Variants in BRAF observed in about 807,000 individuals in gnomAD.
BRAF encodes the protein B-Raf proto-oncogene, serine/threonine kinase.
In BRAF, 16 loss-of-function variants were observed where a neutral mutation model predicts 104.6. That is an observed-to-expected ratio of 0.15 (90% CI 0.10 to 0.23). The LOEUF (loss-of-function observed/expected upper bound fraction) is 0.23, where lower values mean the gene tolerates loss of function less well. Among genes scored for constraint, BRAF ranks in the 10% least tolerant of loss-of-function variants. The pLI is 1.00. For missense variants in BRAF, 541 were observed against 937.3 expected, an observed-to-expected ratio of 0.58 and a Z score of 5.52; for synonymous variants, 310 against 341.6, an observed-to-expected ratio of 0.91 and a Z score of 1.02.
chr7:140,921,633 C>T (rs1818234467), intron 1 of BRAF, among the ~76,000 whole-genome samples: 1 of 151,846 alleles, frequency 6.6e-6, no homozygotes, highest in Admixed American at 6.6e-5. Flanking sequence ...TAAAAAAGAA[C>T]AGATGGAATA....
At chr7:140,865,897 A>AT (rs1402960546) in intron 1 of BRAF, among the ~76,000 whole-genome samples, 1 of 152,120 alleles carries the variant, frequency 6.6e-6, no homozygotes, top group African/African-American at 2.4e-5. Flanking sequence ...AGGATCAAAC[A>AT]TTTTTTTCTG....
At chr7:140,881,385 T>G (rs1260696728) in intron 1 of BRAF, among the ~76,000 whole-genome samples, 1 of 152,206 alleles carries the variant, frequency 6.6e-6, no homozygotes, top group Non-Finnish European at 1.5e-5. Flanking sequence ...CACTAAAACT[T>G]TCTCCATCTC....
At position 140,739,189 on chromosome 7, in the gene BRAF, T is replaced by C. The variant is rs1195185387; in HGVS notation, c.2247+623A>G. 2.6e-5 allele frequency among the ~76,000 whole-genome samples: 4 copies of C among 152,098 alleles called. No individual in the cohort carries two copies. In the East Asian group the frequency reaches 7.7e-4, roughly 29 times the overall value. The stretch of plus-strand genomic sequence containing the variant: ...ACCAGGGGATCCACGAGGTCAAAAC[T>C]ATTTTTGTAATAACAATAAGATATC... On this transcript the variant is annotated intron_variant, in intron 18 of 19. Transcript: ENST00000644969.
intron 3 of BRAF, among the ~76,000 whole-genome samples, chr7:140,831,486 T>C (rs376374421): frequency 1.3e-5 from 2 of 152,222 alleles, no homozygotes; most frequent in South Asian, 4.1e-4. Flanking sequence ...AGAAATTTTG[T>C]TTAGAAAACG....
At chr7:140,807,138 G>A (rs1429051786) in intron 5 of BRAF, among the ~76,000 whole-genome samples, 1 of 152,134 alleles carries the variant, frequency 6.6e-6, no homozygotes, top group Non-Finnish European at 1.5e-5. Context: ...CGGGCCTTAT[G>A]CTGGTGACCC....
chr7:140,766,590 A>AT lies in BRAF; in HGVS notation c.1814+10321dup, dbSNP rs932346570. On this transcript the variant is annotated intron_variant, in intron 14 of 19. Coordinates refer to ENST00000644969, the MANE Select transcript of BRAF (RefSeq NM_001374258.1). ...GTTTCATTATTACTGTTACTTCTTAATTTTTTTTTTGAGACAGGGTTTCAC... is the reference window on the plus strand; with the variant it reads ...GTTTCATTATTACTGTTACTTCTTAATTTTTTTTTTTGAGACAGGGTTTCAC... 4.0e-5 allele frequency among the ~76,000 whole-genome samples: 6 copies of AT among 150,592 alleles called. No individual in the cohort carries two copies. The East Asian group carries it at 5.8e-4, about 15-fold the overall frequency.
In BRAF at chr7:140,794,684, A is replaced by G. The variant is rs561562697; in HGVS notation, c.981-217T>C. Among the ~76,000 whole-genome samples the G allele has an allele frequency of 4.6e-5, 7 of 152,332 alleles. No homozygotes were observed. In the East Asian group the frequency reaches 9.6e-4, roughly 21 times the overall value. On this transcript the variant is annotated intron_variant, in intron 7 of 19. Coordinates refer to ENST00000644969, the MANE Select transcript of BRAF (RefSeq NM_001374258.1). Reference sequence around the variant, plus strand: ...GTAGGCCCTCCAGGAACTATCAATGATAAGACCACTGATTCTTACCTGGAA... The same window carrying G: ...GTAGGCCCTCCAGGAACTATCAATGGTAAGACCACTGATTCTTACCTGGAA...
At chr7:140,890,850 A>G (rs1185003524) in intron 1 of BRAF, among the ~76,000 whole-genome samples, 1 of 152,216 alleles carries the variant, frequency 6.6e-6, no homozygotes, top group East Asian at 1.9e-4. Flanking sequence ...CTATTATGAG[A>G]GTAAAATGAG....
At position 140,876,955 on chromosome 7, in the gene BRAF, G is replaced by C. The variant is rs150802599; in HGVS notation, c.139-26743C>G. ...AAACGTTTGTTCTCTGACCATAATA[G>C]AATTAAACTAGAAATAGAAAGTTAA... On this transcript the variant is annotated intron_variant, in intron 1 of 19. Coordinates refer to ENST00000644969, the MANE Select transcript of BRAF (RefSeq NM_001374258.1). 9.8e-3 allele frequency among the ~76,000 whole-genome samples: 1,494 copies of C among 151,780 alleles called. 25 individuals are homozygous for C. The highest frequency in any genetic ancestry group is 0.034 in the African/African-American group (1,408 of 41,420).
At chr7:140,736,647 G>A (rs191743991) in intron 18 of BRAF, among the ~76,000 whole-genome samples, 40 of 151,336 alleles carry the variant, frequency 2.6e-4, no homozygotes, top group Admixed American at 9.8e-4. Flanking sequence ...GGCTGGTTTC[G>A]AACTCCCAAC....
intron 14 of BRAF, 46 bp from the exon 14 acceptor site, chr7:140,754,279 C>T (rs371218602): frequency 1.9e-6 from 3 of 1,558,272 alleles, no homozygotes; most frequent in Non-Finnish European, 2.7e-6. Context: ...CTAAAGGACT[C>T]TGGCCTCGAA....
At chr7:140,826,041 C>G (rs1806009826) in intron 3 of BRAF, among the ~76,000 whole-genome samples, 1 of 152,134 alleles carries the variant, frequency 6.6e-6, no homozygotes, top group Non-Finnish European at 1.5e-5. Flanking sequence ...ATTTTTCATA[C>G]TGCTTAACCT....
Position 140,725,648 on chromosome 7 carries a change from A to G in BRAF, c.*846T>C, listed in dbSNP as rs1050021080. On this transcript the variant is annotated 3_prime_UTR_variant, in exon 20 of 20. Coordinates refer to ENST00000644969, the MANE Select transcript of BRAF (RefSeq NM_001374258.1). ...ATAAGTAGTTGGTGACTGGAAGAGCATAGGAGGAAGATATAAACTGTATTT... is the reference window on the plus strand; with the variant it reads ...ATAAGTAGTTGGTGACTGGAAGAGCGTAGGAGGAAGATATAAACTGTATTT... 1.9e-5 allele frequency: 20 copies of G among 1,058,676 alleles called. No homozygotes were observed. The highest frequency in any genetic ancestry group is 1.4e-5 in the Non-Finnish European group (12 of 875,278). The allele number at this position is 1,058,676 out of a possible 1,614,324, so 65.6% of individuals were successfully genotyped here.
In BRAF at chr7:140,721,227, T is replaced by C. The variant is rs2930323; in HGVS notation, c.*5267A>G. Reference sequence around the variant, plus strand: ...TTTAGTAATTAATAAAACTTAACAGTTGAAGTTGTGGATGTTAAATAAAAG... The same window carrying C: ...TTTAGTAATTAATAAAACTTAACAGCTGAAGTTGTGGATGTTAAATAAAAG... On this transcript the variant is annotated 3_prime_UTR_variant, in exon 20 of 20. Transcript: ENST00000644969. The C allele has an allele frequency of 0.065, 70,607 of 1,090,364 alleles. 2,427 individuals carry two copies. Among genetic ancestry groups the C allele is most frequent in the Middle Eastern group, 0.078 (198 of 2,532 alleles). The allele number at this position is 1,090,364 out of a possible 1,614,324, so 67.5% of individuals were successfully genotyped here. A position where few individuals can be genotyped will look rare whatever the true frequency, so the allele number is the denominator to read the frequency against.
At chr7:140,885,774 G>C (rs1813495344) in intron 1 of BRAF, among the ~76,000 whole-genome samples, 1 of 152,156 alleles carries the variant, frequency 6.6e-6, no homozygotes, top group Admixed American at 6.5e-5. Flanking sequence ...AGATAAATGG[G>C]CAATATCAAT....
Position 140,722,750 on chromosome 7 carries a change from A to G in BRAF, c.*3744T>C. 1 of 1,051,024 alleles carries G rather than the reference A, an allele frequency of 9.5e-7. No individual in the cohort carries two copies. The highest frequency in any genetic ancestry group is 1.1e-6 in the Non-Finnish European group (1 of 870,310). 65.1% of individuals were successfully genotyped at this position (1,051,024 alleles called of 1,614,324 possible). A position where few individuals can be genotyped will look rare whatever the true frequency, so the allele number is the denominator to read the frequency against. On this transcript the variant is annotated 3_prime_UTR_variant, in exon 20 of 20. Transcript: ENST00000644969. ...AAACTCATTATGAGGATGTACTGTC[A>G]TGCCAAGCCTACTGAAAATTAAAAT...
chr7:140,805,514 C>T (rs1256217464), intron 5 of BRAF, among the ~76,000 whole-genome samples: 1 of 151,620 alleles, frequency 6.6e-6, no homozygotes, highest in African/African-American at 2.4e-5. Flanking sequence ...TAAAGATGAG[C>T]ACAGGAAGAT....
At chr7:140,855,299 A>T (rs1383024717) in intron 1 of BRAF, among the ~76,000 whole-genome samples, 1 of 152,138 alleles carries the variant, frequency 6.6e-6, no homozygotes. Context: ...TGAAAAAATT[A>T]AAAACAAAAC....
Position 140,729,885 on chromosome 7 carries a change from C to A in BRAF, c.2402-3369G>T, listed in dbSNP as rs977973496. Among the ~76,000 whole-genome samples, 7 of 152,118 alleles carry A rather than the reference C, an allele frequency of 4.6e-5. No homozygotes were observed. In the East Asian group the frequency reaches 1.2e-3, roughly 25 times the overall value. On this transcript the variant is annotated intron_variant, in intron 19 of 19. Coordinates refer to ENST00000644969, the MANE Select transcript of BRAF (RefSeq NM_001374258.1). Reference sequence around the variant, plus strand: ...AAAAATTTAAAACCAAACAACCGCACAAAGAACAAATTTTTACCAACAAAC... The same window carrying A: ...AAAAATTTAAAACCAAACAACCGCAAAAAGAACAAATTTTTACCAACAAAC...
Sources: allele counts gnomAD v4.1 joint callset (sites outside exome capture counted in the v4.1 genomes callset), GRCh38; gene constraint gnomAD v4.1.1; transcripts MANE v1.5; gene names NCBI Gene and HGNC (gene_info 2026-07-23, HGNC 2026-07-21).